The following DYNC1I1 variants were observed in gnomAD, a reference collection of about 807,000 sequenced individuals.
DYNC1I1 encodes dynein cytoplasmic 1 intermediate chain 1.
DYNC1I1 carries 43 observed loss-of-function variants against 86.6 expected under a neutral mutation model. That is an observed-to-expected ratio of 0.50 (90% CI 0.39 to 0.64). The LOEUF (loss-of-function observed/expected upper bound fraction) is 0.64. Among genes scored for constraint, DYNC1I1 ranks in the 30% least tolerant of loss-of-function variants. DYNC1I1 has a pLI of 0.00. For missense variants in DYNC1I1, 604 were observed against 788.8 expected (o/e 0.77, Z 2.81); for synonymous variants, 262 against 283.7 (o/e 0.92, Z 0.77).
chr7:95,788,698 G>T (rs1199956690), intron 1 of DYNC1I1, among the ~76,000 whole-genome samples: 1 of 152,122 alleles, frequency 6.6e-6, no homozygotes, highest in Non-Finnish European at 1.5e-5. Flanking sequence ...AATAGGTTTT[G>T]CAGTTGATTA....
intron 14 of DYNC1I1, among the ~76,000 whole-genome samples, chr7:96,042,598 A>AC (rs560841892): frequency 1.3e-5 from 2 of 152,212 alleles, no homozygotes; most frequent in Non-Finnish European, 2.9e-5. Flanking sequence ...GGACTTGGAA[A>AC]CCAAGTTGAG....
At chr7:95,785,897 G>A (rs1356050150) in intron 1 of DYNC1I1, among the ~76,000 whole-genome samples, 1 of 149,348 alleles carries the variant, frequency 6.7e-6, no homozygotes, top group Non-Finnish European at 1.5e-5. Flanking sequence ...CATATCTTAT[G>A]CAAAGAATGT....
intron 10 of DYNC1I1, among the ~76,000 whole-genome samples, chr7:96,014,337 C>A (rs951585647): frequency 6.6e-6 from 1 of 152,168 alleles, no homozygotes; most frequent in South Asian, 2.1e-4. Context: ...ACTCCCTTTT[C>A]GGTTTTTGCC....
intron 15 of DYNC1I1, among the ~76,000 whole-genome samples, chr7:96,078,720 A>G (rs1326161330): frequency 4.6e-5 from 7 of 152,158 alleles, no homozygotes; most frequent in Admixed American, 1.3e-4. Flanking sequence ...ACCTAATTCT[A>G]TTCAATATCA....
At chr7:96,043,838 C>G (rs983367791) in intron 14 of DYNC1I1, among the ~76,000 whole-genome samples, 2 of 151,786 alleles carry the variant, frequency 1.3e-5, no homozygotes, top group African/African-American at 4.8e-5. Context: ...GCCTTCCGAG[C>G]AGCTGGGATT....
At chr7:95,917,221 T>TCCC (rs973260573) in intron 6 of DYNC1I1, among the ~76,000 whole-genome samples, 7 of 152,238 alleles carry the variant, frequency 4.6e-5, no homozygotes, top group African/African-American at 1.7e-4. Flanking sequence ...GATTGTGGAC[T>TCCC]GGGGACGGGG....
chr7:96,007,800 C>A (rs933084231), intron 10 of DYNC1I1, among the ~76,000 whole-genome samples: 10 of 152,164 alleles, frequency 6.6e-5, no homozygotes, highest in Non-Finnish European at 1.3e-4. Flanking sequence ...GGGAAACAGG[C>A]AATATCAGTT....
intron 10 of DYNC1I1, among the ~76,000 whole-genome samples, chr7:96,011,374 G>GT (rs1255792820): frequency 6.6e-6 from 1 of 152,128 alleles, no homozygotes; most frequent in Non-Finnish European, 1.5e-5. Flanking sequence ...AAGTAGAGGG[G>GT]TTTTTTGCCT....
intron 16 of DYNC1I1, among the ~76,000 whole-genome samples, chr7:96,087,686 G>A (rs1332268452): frequency 2.6e-5 from 4 of 152,096 alleles, no homozygotes; most frequent in Admixed American, 6.5e-5. Context: ...TGGTTCTGTC[G>A]ATAACATCTA....
At chr7:96,090,194 T>C (rs1790799819) in intron 16 of DYNC1I1, among the ~76,000 whole-genome samples, 1 of 152,130 alleles carries the variant, frequency 6.6e-6, no homozygotes, top group South Asian at 2.1e-4. Flanking sequence ...AAGAAGACTA[T>C]TCATCTTTAG....
chr7:95,984,886 G>T lies in DYNC1I1; in HGVS notation c.652G>T (p.Asp218Tyr). 1 of 1,613,182 alleles carries T rather than the reference G, an allele frequency of 6.2e-7. No homozygotes were observed. Among genetic ancestry groups the T allele is most frequent in the South Asian group, 1.1e-5 (1 of 90,860 alleles). Residue 218 changes from aspartate to tyrosine, a missense_variant, in exon 8 of 17, where the codon GAC (aspartate) becomes TAC (tyrosine). Physicochemically the swap from Asp to Tyr is radical, Grantham distance 160. Coordinates refer to ENST00000447467, the MANE Select transcript of DYNC1I1 (RefSeq NM_001135556.2). The stretch of plus-strand genomic sequence containing the variant: ...TTCAGAGGAATTTCTCATCTTTTTT[G>T]ACCGGACAATACGGGTAATTGAAAG... The part of the protein sequence containing the change: ...LHSEEFLIFF[D>Y]RTIRVIERAL...
chr7:95,905,603 A>G (rs915915509), intron 6 of DYNC1I1, among the ~76,000 whole-genome samples: 4 of 151,918 alleles, frequency 2.6e-5, no homozygotes, highest in African/African-American at 9.7e-5. Flanking sequence ...TGAAGGGTTT[A>G]TCCTCCATTT....
chr7:96,080,169 T>G (rs1341827550), intron 15 of DYNC1I1, among the ~76,000 whole-genome samples, 194 bp from the exon 16 acceptor site: 2 of 152,206 alleles, frequency 1.3e-5, no homozygotes, highest in Non-Finnish European at 2.9e-5. Context: ...GTGTCTCTTC[T>G]CTCTACCCCT....
chr7:95,943,027 A>G (rs1437541839), intron 6 of DYNC1I1, among the ~76,000 whole-genome samples: 1 of 111,148 alleles, frequency 9.0e-6, no homozygotes, highest in Non-Finnish European at 1.8e-5. Flanking sequence ...GACCAGGGCA[A>G]TTAGGCAGGA....
chr7:95,961,526 T>G (rs1467564470), intron 6 of DYNC1I1, among the ~76,000 whole-genome samples: 1 of 152,240 alleles, frequency 6.6e-6, no homozygotes, highest in Non-Finnish European at 1.5e-5. Flanking sequence ...TTTCAGCTAT[T>G]TGTTTTCATG....
intron 16 of DYNC1I1, among the ~76,000 whole-genome samples, chr7:96,081,158 A>G (rs1480544281): frequency 1.3e-5 from 2 of 152,038 alleles, no homozygotes; most frequent in East Asian, 1.9e-4. Context: ...ATGTTCAATT[A>G]ACATATATAC....
Position 95,952,422 on chromosome 7 carries a change from G to T in DYNC1I1, c.491-25090G>T, listed in dbSNP as rs988261468. Among the ~76,000 whole-genome samples the T allele has an allele frequency of 2.6e-5, 4 of 152,204 alleles. No individual in the cohort carries two copies. The East Asian group carries it at 5.8e-4, about 22-fold the overall frequency. ...TACAGAAATCTTGAAAATGCCACTG[G>T]GAACTCAGCAACAAGAGGTGCCTCA... On this transcript the variant is annotated intron_variant, in intron 6 of 16. Transcript: ENST00000447467.
intron 4 of DYNC1I1, among the ~76,000 whole-genome samples, chr7:95,825,618 GT>G (rs1795187922): frequency 6.6e-6 from 1 of 152,192 alleles, no homozygotes; most frequent in African/African-American, 2.4e-5. Flanking sequence ...CAGAGCAGGG[GT>G]TCTCACCCCT....
At position 96,035,602 on chromosome 7, in the gene DYNC1I1, A is replaced by T. The variant is rs773947578; in HGVS notation, c.1231-17A>T. 3.0e-5 allele frequency: 47 copies of T among 1,564,212 alleles called. No individual in the cohort carries two copies. The highest frequency in any genetic ancestry group is 4.1e-5 in the Non-Finnish European group (47 of 1,159,514). On this transcript the variant is annotated splice_polypyrimidine_tract_variant and intron_variant, in intron 12 of 16. Transcript: ENST00000447467. ...GGAGTTGACAGATGGAAATGTAACC[A>T]CACCGTGTTTTGGTAGGAGAGCATG...
Sources: allele counts gnomAD v4.1 joint callset (sites outside exome capture counted in the v4.1 genomes callset), GRCh38; gene constraint gnomAD v4.1.1; transcripts MANE v1.5; gene names NCBI Gene and HGNC (gene_info 2026-07-23, HGNC 2026-07-21).